Variants in SEC14L1 observed in about 807,000 individuals in gnomAD.
SEC14L1 encodes the protein SEC14-like protein 1.
In SEC14L1, 48 loss-of-function variants were observed where a neutral mutation model predicts 85.3. The ratio of observed to expected loss-of-function variants is 0.56; its 90% CI spans 0.45 to 0.72. The LOEUF is 0.72. Among genes scored for constraint, SEC14L1 ranks in the 30% least tolerant of loss-of-function variants. The pLI is 0.00. For synonymous variants in SEC14L1, 391 were observed against 355.5 expected, an observed-to-expected ratio of 1.10 and a Z score of -1.12; for missense variants, 682 against 921.4, an observed-to-expected ratio of 0.74 and a Z score of 3.36.
chr17:77,131,280 T>C (rs1294477670), intron 3 of SEC14L1, among the ~76,000 whole-genome samples: 2 of 152,108 alleles, frequency 1.3e-5, no homozygotes, highest in Non-Finnish European at 1.5e-5. Flanking sequence ...TGGATCTCTC[T>C]TTTTTTGAGA....
intron 10 of SEC14L1, among the ~76,000 whole-genome samples, chr17:77,203,965 A>G (rs1378340065): frequency 2.6e-5 from 4 of 151,632 alleles, no homozygotes; most frequent in African/African-American, 7.3e-5. Flanking sequence ...CTCACAGCAG[A>G]CCTCTTGATA....
intron 3 of SEC14L1, among the ~76,000 whole-genome samples, chr17:77,186,580 T>G (rs561293065): frequency 2.0e-5 from 3 of 152,340 alleles, no homozygotes; most frequent in African/African-American, 7.2e-5. Context: ...TAGCATGTGC[T>G]TTTCACATCG....
At chr17:77,187,782 T>G (rs577473290) in intron 3 of SEC14L1, among the ~76,000 whole-genome samples, 1 of 151,154 alleles carries the variant, frequency 6.6e-6, no homozygotes, top group African/African-American at 2.4e-5. Flanking sequence ...TCTTACTCTG[T>G]TACCCAGGCT....
At chr17:77,163,439 T>G (rs1424284408) in intron 3 of SEC14L1, among the ~76,000 whole-genome samples, 1 of 132,798 alleles carries the variant, frequency 7.5e-6, no homozygotes, top group Non-Finnish European at 1.7e-5. Flanking sequence ...TACCAATGAG[T>G]TTTCAAAACA....
chr17:77,162,380 C>G (rs1282879381), intron 3 of SEC14L1, among the ~76,000 whole-genome samples: 2 of 152,138 alleles, frequency 1.3e-5, no homozygotes, highest in Non-Finnish European at 2.9e-5. Context: ...ATTTGACAGC[C>G]ATTTTAATTG....
chr17:77,096,075 T>A (rs1013310726), intron 3 of SEC14L1, among the ~76,000 whole-genome samples: 308 of 149,184 alleles, frequency 2.1e-3, no homozygotes, highest in African/African-American at 4.8e-3. Context: ...TTTTTTTTTT[T>A]AAATAGAGAT....
intron 10 of SEC14L1, chr17:77,205,059 C>T (rs1437624095): frequency 5.8e-6 from 3 of 513,988 alleles, no homozygotes; most frequent in South Asian, 4.6e-5. Context: ...TTACCTTTGC[C>T]ACACATGACA....
At chr17:77,193,739 G>C (rs1190183431) in intron 6 of SEC14L1, among the ~76,000 whole-genome samples, 190 bp downstream of exon 6, 1 of 152,196 alleles carries the variant, frequency 6.6e-6, no homozygotes, top group Non-Finnish European at 1.5e-5. Flanking sequence ...GATGGAGGAA[G>C]GAGGTGCCTG....
intron 3 of SEC14L1, among the ~76,000 whole-genome samples, chr17:77,127,495 A>G (rs1462830823): frequency 1.3e-5 from 2 of 151,956 alleles, no homozygotes; most frequent in African/African-American, 2.4e-5. Flanking sequence ...GATTATAAGC[A>G]CCCACCACCA....
intron 3 of SEC14L1, 46 bp downstream of exon 3, chr17:77,143,705 A>G (rs576354503): frequency 7.4e-7 from 1 of 1,348,578 alleles, no homozygotes; most frequent in Admixed American, 1.7e-5. Context: ...CTTATTTATA[A>G]AGTACAGTGT....
chr17:77,141,935 A>G (rs529375883), intron 1 of SEC14L1, among the ~76,000 whole-genome samples: 1 of 152,340 alleles, frequency 6.6e-6, no homozygotes, highest in Non-Finnish European at 1.5e-5. Context: ...AAGGTTTGCA[A>G]AAGAAAAAGA....
At chr17:77,161,712 C>CT (rs763767954) in intron 3 of SEC14L1, among the ~76,000 whole-genome samples, 22,922 of 103,086 alleles carry the variant, frequency 0.22, 2,407 homozygotes, top group East Asian at 0.43. Context: ...TAAATTGGTT[C>CT]TTTTTTTTTT....
At position 77,215,539 on chromosome 17, in the gene SEC14L1, C is replaced by G; in HGVS notation, c.*1516C>G. 2.0e-6 allele frequency: 2 copies of G among 986,426 alleles called. No homozygotes were observed. Among genetic ancestry groups the G allele is most frequent in the Non-Finnish European group, 2.4e-6 (2 of 830,502 alleles). 61.1% of individuals were successfully genotyped at this position (986,426 alleles called of 1,614,324 possible). A position where few individuals can be genotyped will look rare whatever the true frequency, so the allele number is the denominator to read the frequency against. On this transcript the variant is annotated 3_prime_UTR_variant, in exon 17 of 17. Coordinates refer to ENST00000436233, the MANE Select transcript of SEC14L1 (RefSeq NM_001143998.2). Reference sequence around the variant, plus strand: ...GTGCCCCGTGCAGGGATCAGGAGGGCGGGGGAGGGACCGAGCAGCCCTCTT... The same window carrying G: ...GTGCCCCGTGCAGGGATCAGGAGGGGGGGGGAGGGACCGAGCAGCCCTCTT...
At chr17:77,100,113 G>T (rs1372729194) in intron 3 of SEC14L1, among the ~76,000 whole-genome samples, 1 of 152,246 alleles carries the variant, frequency 6.6e-6, no homozygotes, top group African/African-American at 2.4e-5. Flanking sequence ...TGTTTCCGAG[G>T]AGCGGGCGTG....
intron 3 of SEC14L1, among the ~76,000 whole-genome samples, chr17:77,176,539 T>A (rs1974766404): frequency 6.6e-6 from 1 of 152,248 alleles, no homozygotes; most frequent in African/African-American, 2.4e-5. Flanking sequence ...ATTGACAACA[T>A]TATTTTTTCC....
chr17:77,101,780 T>G lies in SEC14L1; in HGVS notation c.-136+8433T>G, dbSNP rs147319879. Among the ~76,000 whole-genome samples, 7 of 152,198 alleles carry G rather than the reference T, an allele frequency of 4.6e-5. No homozygotes were observed. The South Asian group carries it at 8.3e-4, about 18-fold the overall frequency. ...GGATGGTGGGACTTAGGCGTGGACT[T>G]ACTTTGTAGAACACATCATCCTGAC... On this transcript the variant is annotated intron_variant, in intron 3 of 19. Coordinates refer to the SEC14L1 transcript ENST00000392476.
rs1465068251 is a variant in SEC14L1, at chr17:77,195,317, TTTG to T, written c.709+409_709+411del. ...GGCCTAAGGAAGGTGTTTTTTTTTG[TTTG>T]TTTGTTTGTTTGTTTTGAGATAGAG... On this transcript the variant is annotated intron_variant, in intron 7 of 16. Transcript: ENST00000436233. Among the ~76,000 whole-genome samples, 106 of 145,442 alleles carry T rather than the reference TTTG, an allele frequency of 7.3e-4. 1 individual carries two copies. Among genetic ancestry groups the T allele is most frequent in the Non-Finnish European group, 1.3e-3 (87 of 65,632 alleles).
At chr17:77,177,924 A>T (rs1974831552) in intron 3 of SEC14L1, among the ~76,000 whole-genome samples, 1 of 152,098 alleles carries the variant, frequency 6.6e-6, no homozygotes, top group South Asian at 2.1e-4. Flanking sequence ...AATCATAGCC[A>T]CTGTCATTGG....
chr17:77,143,861 A>G (rs963938248), intron 3 of SEC14L1: 9 of 450,998 alleles, frequency 2.0e-5, no homozygotes, highest in Middle Eastern at 1.1e-3. Context: ...CTTATTAAAA[A>G]AAATGCACCT....
Sources: gnomAD v4.1 joint callset for allele counts (sites outside exome capture counted in the v4.1 genomes callset) on GRCh38, gnomAD v4.1.1 for gene constraint, MANE v1.5 for transcripts, NCBI Gene and HGNC (gene_info 2026-07-23, HGNC 2026-07-21) for gene names.